GSE1: variants seen among roughly 807,000 people sequenced by gnomAD.
The protein encoded by GSE1 is genetic suppressor element 1.
In GSE1, 32 loss-of-function variants were observed where a neutral mutation model predicts 112.6. The ratio of observed to expected loss-of-function variants is 0.28; its 90% CI spans 0.21 to 0.38. The LOEUF is 0.38. Among genes scored for constraint, GSE1 ranks in the 10% least tolerant of loss-of-function variants. The pLI is 1.00. For missense variants in GSE1, 2,348 were observed against 1,699.2 expected (o/e 1.38, Z -6.71); for synonymous variants, 1,115 against 735.6 (o/e 1.52, Z -8.35).
chr16:85,521,532 C>T (rs2052185556), intron 2 of GSE1, among the ~76,000 whole-genome samples: 1 of 152,252 alleles, frequency 6.6e-6, no homozygotes, highest in African/African-American at 2.4e-5. Context: ...AGCAGTTCAG[C>T]TCTGGGCACG....
At chr16:85,550,068 C>A (rs910048134) in intron 2 of GSE1, among the ~76,000 whole-genome samples, 7 of 152,174 alleles carry the variant, frequency 4.6e-5, no homozygotes, top group African/African-American at 1.7e-4. Context: ...TGCCAGGCAC[C>A]GGTGTGATTA....
At chr16:85,636,248 C>A (rs1425427198) in intron 2 of GSE1, among the ~76,000 whole-genome samples, 1 of 152,220 alleles carries the variant, frequency 6.6e-6, no homozygotes. Context: ...AGCAGTGCCA[C>A]TGCCTGAGCC....
chr16:85,344,066 G>T (rs1381272696), intron 1 of GSE1, among the ~76,000 whole-genome samples: 2 of 152,168 alleles, frequency 1.3e-5, no homozygotes, highest in Non-Finnish European at 2.9e-5. Context: ...TGCTGAGGAC[G>T]CCGTGCCAGG....
intron 2 of GSE1, among the ~76,000 whole-genome samples, chr16:85,641,274 C>T (rs2050423796): frequency 6.6e-6 from 1 of 152,246 alleles, no homozygotes; most frequent in Admixed American, 6.5e-5. Flanking sequence ...TCCCAGGGTC[C>T]AGCATCTAAG....
chr16:85,316,731 G>A (rs1417005237), intron 1 of GSE1, among the ~76,000 whole-genome samples: 2 of 152,188 alleles, frequency 1.3e-5, no homozygotes, highest in Non-Finnish European at 2.9e-5. Flanking sequence ...ATGGGGCTCC[G>A]CAGGGGTTAC....
chr16:85,612,180 G>A (rs1240002018), upstream of GSE1, among the ~76,000 whole-genome samples: 1 of 149,872 alleles, frequency 6.7e-6, no homozygotes. Flanking sequence ...GCCGACCCCT[G>A]CCCCCGAGGC....
chr16:85,392,305 A>G (rs2047858359), intron 2 of GSE1, among the ~76,000 whole-genome samples: 1 of 152,248 alleles, frequency 6.6e-6, no homozygotes, highest in South Asian at 2.1e-4. Context: ...AACACAGGAC[A>G]CCCAGTGAAA....
intron 2 of GSE1, among the ~76,000 whole-genome samples, chr16:85,443,982 CTTTTTTTTT>C (rs67916368): frequency 3.9e-5 from 3 of 77,620 alleles, no homozygotes; most frequent in African/African-American, 1.1e-4. Context: ...CAAGGGGGCG[CTTTTTTTTT>C]TTTTTTTTTT....
chr16:85,400,661 T>C (rs374106269), intron 2 of GSE1, among the ~76,000 whole-genome samples: 4 of 151,974 alleles, frequency 2.6e-5, no homozygotes. Flanking sequence ...TGTGTCTGTG[T>C]ATGTTGCGTG....
At chr16:85,670,841 G>A (rs931077568) in intron 14 of GSE1, 154 bp from the exon 15 acceptor site, 3 of 589,576 alleles carry the variant, frequency 5.1e-6, no homozygotes, top group East Asian at 3.0e-5. Context: ...CAATTCAAAG[G>A]GCTGGGAGCA....
intron 3 of GSE1, among the ~76,000 whole-genome samples, chr16:85,649,861 C>T (rs1450648031): frequency 1.3e-5 from 2 of 152,202 alleles, no homozygotes; most frequent in East Asian, 1.9e-4. Context: ...TGCTCATCAT[C>T]AGGGCCTGTC....
At chr16:85,489,130 C>T (rs925308261) in intron 2 of GSE1, among the ~76,000 whole-genome samples, 4 of 152,082 alleles carry the variant, frequency 2.6e-5, no homozygotes, top group African/African-American at 4.8e-5. Context: ...GCCTGGGCAA[C>T]GCAGGAATGG....
intron 2 of GSE1, among the ~76,000 whole-genome samples, chr16:85,648,224 G>C (rs898866998): frequency 6.6e-6 from 1 of 152,128 alleles, no homozygotes; most frequent in African/African-American, 2.4e-5. Context: ...TCAGGCACTG[G>C]TCCTGCCCGC....
At chr16:85,239,371 G>C (rs1432085530) in intron 1 of GSE1, among the ~76,000 whole-genome samples, 1 of 152,242 alleles carries the variant, frequency 6.6e-6, no homozygotes, top group Non-Finnish European at 1.5e-5. Flanking sequence ...TGTGAGGCAG[G>C]GCATGTGAGC....
At chr16:85,532,834 T>TGCAAAGTGCATGTGCC (rs2044179949) in intron 2 of GSE1, among the ~76,000 whole-genome samples, 1 of 152,214 alleles carries the variant, frequency 6.6e-6, no homozygotes, top group Non-Finnish European at 1.5e-5. Context: ...CTCCAGAACC[T>TGCAAAGTGCATGTGCC]GCAAAGTGCA....
intron 2 of GSE1, among the ~76,000 whole-genome samples, chr16:85,396,754 G>A (rs1182628873): frequency 6.6e-6 from 1 of 152,400 alleles, no homozygotes; most frequent in East Asian, 1.9e-4. Flanking sequence ...TGACCCAGGA[G>A]TGGGTGAGGG....
At chr16:85,297,277 G>A (rs2151453208) in intron 1 of GSE1, among the ~76,000 whole-genome samples, 1 of 152,350 alleles carries the variant, frequency 6.6e-6, no homozygotes, top group South Asian at 2.1e-4. Context: ...GGGCTCACAG[G>A]GCCAGAGGCC....
chr16:85,304,144 C>T (rs2045601074), intron 1 of GSE1, among the ~76,000 whole-genome samples: 1 of 152,240 alleles, frequency 6.6e-6, no homozygotes, highest in Non-Finnish European at 1.5e-5. Flanking sequence ...CTTTCTGCAC[C>T]GCATCCCATT....
At chr16:85,516,775 T>TG (rs1163778250) in intron 2 of GSE1, among the ~76,000 whole-genome samples, 1 of 147,660 alleles carries the variant, frequency 6.8e-6, no homozygotes, top group Non-Finnish European at 1.5e-5. Context: ...GGGTGCAGCT[T>TG]GGGGCAGGGA....
Sources: allele counts gnomAD v4.1 joint callset (sites outside exome capture counted in the v4.1 genomes callset), GRCh38; gene constraint gnomAD v4.1.1; transcripts MANE v1.5; gene names NCBI Gene and HGNC (gene_info 2026-07-23, HGNC 2026-07-21).